The following EPYC variants were observed in gnomAD, a reference collection of about 807,000 sequenced individuals.
EPYC encodes epiphycan, also known as dermatan sulfate proteoglycan 3.
A neutral mutation model predicts 30.1 loss-of-function variants in EPYC; 28 were observed. The observed-to-expected ratio is 0.93, with a 90% confidence interval of 0.69 to 1.28. The LOEUF (loss-of-function observed/expected upper bound fraction) is 1.28, where lower values mean the gene tolerates loss of function less well. Ranked by LOEUF, EPYC falls within the 50% of genes most tolerant of loss-of-function variation. EPYC has a pLI of 0.00. For synonymous variants in EPYC, 144 were observed against 141.4 expected (o/e 1.02, Z -0.13); for missense variants, 382 against 383.5 (o/e 1.00, Z 0.03).
chr12:90,972,896 G>A lies in EPYC; in HGVS notation c.425C>T (p.Pro142Leu), dbSNP rs187299979. ...GGAATAGAAATAAGCGGTGTTCTTTGGCAGCGGAGGAATAGCATCAAGTTC... is the reference window on the plus strand; with the variant it reads ...GGAATAGAAATAAGCGGTGTTCTTTAGCAGCGGAGGAATAGCATCAAGTTC... ...DHELDAIPPL[P>L]KNTAYFYSRF... Residue 142 changes from proline (P) to leucine (L), a missense_variant, in exon 4 of 7, where the codon CCA (proline) becomes CTA (leucine). Physicochemically the swap from Pro to Leu is moderately conservative, Grantham distance 98. Coordinates refer to ENST00000261172, the MANE Select transcript of EPYC (RefSeq NM_004950.5). 1.2e-4 allele frequency: 196 copies of A among 1,613,216 alleles called. No individual in the cohort carries two copies. Among genetic ancestry groups the A allele is most frequent in the Non-Finnish European group, 1.6e-4 (188 of 1,179,266 alleles).
intron 5 of EPYC, among the ~76,000 whole-genome samples, chr12:90,970,889 A>G (rs944621488): frequency 3.3e-5 from 5 of 152,204 alleles, no homozygotes; most frequent in Non-Finnish European, 5.9e-5. Flanking sequence ...TTACATGTTC[A>G]GTGTACACTG....
At chr12:90,967,620 T>A (rs1876930970) in intron 6 of EPYC, among the ~76,000 whole-genome samples, 1 of 152,158 alleles carries the variant, frequency 6.6e-6, no homozygotes, top group Non-Finnish European at 1.5e-5. Flanking sequence ...CAAATTGGTT[T>A]TCAGTGTTGT....
At chr12:90,986,864 T>A (rs1877459413) in intron 2 of EPYC, among the ~76,000 whole-genome samples, 1 of 152,204 alleles carries the variant, frequency 6.6e-6, no homozygotes, top group African/African-American at 2.4e-5. Context: ...ATATTGTATC[T>A]GTGAGTATTT....
At chr12:90,973,003 A>G in intron 3 of EPYC, 23 bp from the exon 4 acceptor site, 1 of 1,504,460 alleles carries the variant, frequency 6.6e-7, no homozygotes, top group Non-Finnish European at 9.1e-7. Flanking sequence ...GGAAAATAAA[A>G]TTAAATGTAA....
intron 2 of EPYC, among the ~76,000 whole-genome samples, chr12:90,984,041 C>A (rs954546340): frequency 2.0e-5 from 3 of 152,124 alleles, no homozygotes; most frequent in Non-Finnish European, 4.4e-5. Context: ...CAAAAGGCAT[C>A]ACTCTTCCAA....
chr12:90,983,761 A>ATT (rs1402188886), intron 2 of EPYC, among the ~76,000 whole-genome samples: 2 of 152,082 alleles, frequency 1.3e-5, no homozygotes, highest in Non-Finnish European at 2.9e-5. Context: ...CCTGCTTCTA[A>ATT]AAACCACTCC....
At chr12:91,000,397 G>A (rs767557033) in intron 2 of EPYC, among the ~76,000 whole-genome samples, 2 of 152,058 alleles carry the variant, frequency 1.3e-5, no homozygotes, top group Non-Finnish European at 2.9e-5. Flanking sequence ...TGTATATTAA[G>A]TAATGTTTAT....
rs2120784815 is a variant in EPYC, at chr12:90,963,917, G to T, written c.*239C>A. 1 of 327,976 alleles carries T rather than the reference G, an allele frequency of 3.0e-6. No homozygotes were observed. Among genetic ancestry groups the T allele is most frequent in the East Asian group, 4.8e-5 (1 of 20,922 alleles). The allele number at this position is 327,976 out of a possible 1,614,324, so 20.3% of individuals were successfully genotyped here. A position where few individuals can be genotyped will look rare whatever the true frequency, so the allele number is the denominator to read the frequency against. ...ATACATGATCTATAAGAACATGTGT[G>T]AAATATTTTCTATCACTTAGTTTTG... is the stretch of plus-strand genomic sequence containing the variant. On this transcript the variant is annotated 3_prime_UTR_variant, in exon 7 of 7. Coordinates refer to ENST00000261172, the MANE Select transcript of EPYC (RefSeq NM_004950.5).
chr12:90,972,952 A>G lies in EPYC; in HGVS notation c.369T>C (p.Cys123=). 1 of 1,603,586 alleles carries G rather than the reference A, an allele frequency of 6.2e-7. No individual in the cohort carries two copies. The highest frequency in any genetic ancestry group is 1.3e-5 in the African/African-American group (1 of 74,778). The change falls in exon 4 of 7, where the codon TGT becomes TGC. Residue 123 remains cysteine (C), a synonymous_variant. Coordinates refer to ENST00000261172, the MANE Select transcript of EPYC (RefSeq NM_004950.5). ...EDFPTCLLCT[C]ISTTVYCDDH... ...CATCACAGTACACGGTGGTACTTAT[A>G]CAAGTACACAAAAGACAGGTTGGAA... is the stretch of plus-strand genomic sequence containing the variant.
At chr12:91,003,978 A>T (rs1877892472) in intron 1 of EPYC, among the ~76,000 whole-genome samples, 1 of 152,092 alleles carries the variant, frequency 6.6e-6, no homozygotes, top group Admixed American at 6.6e-5. Flanking sequence ...TTTCTTATTC[A>T]CACAGGATAA....
chr12:90,997,419 A>G (rs976309007), intron 2 of EPYC, among the ~76,000 whole-genome samples: 7 of 152,088 alleles, frequency 4.6e-5, no homozygotes, highest in African/African-American at 4.8e-5. Flanking sequence ...GCTACCAAGC[A>G]CTTTGCTGGA....
intron 2 of EPYC, among the ~76,000 whole-genome samples, chr12:90,981,303 T>C (rs1158735546): frequency 6.6e-6 from 1 of 152,124 alleles, no homozygotes; most frequent in Non-Finnish European, 1.5e-5. Flanking sequence ...GTAAAAGCGG[T>C]TGAAGTGACC....
At chr12:90,981,899 A>G (rs1592627036) in intron 2 of EPYC, among the ~76,000 whole-genome samples, 1 of 152,168 alleles carries the variant, frequency 6.6e-6, no homozygotes, top group African/African-American at 2.4e-5. Flanking sequence ...AAGGAAATCA[A>G]TGATAATGTA....
At chr12:90,975,369 C>T (rs891067444) in intron 3 of EPYC, among the ~76,000 whole-genome samples, 5 of 151,822 alleles carry the variant, frequency 3.3e-5, no homozygotes, top group South Asian at 2.1e-4. Flanking sequence ...CTATATTACA[C>T]GGTTTTAGAA....
intron 3 of EPYC, among the ~76,000 whole-genome samples, chr12:90,974,684 A>G (rs1240471847): frequency 2.6e-5 from 4 of 152,272 alleles, no homozygotes; most frequent in Non-Finnish European, 5.9e-5. Flanking sequence ...AGAAGAGCAC[A>G]TTGATATAGA....
chr12:90,984,705 CG>C (rs1877406097), intron 2 of EPYC, among the ~76,000 whole-genome samples: 1 of 152,112 alleles, frequency 6.6e-6, no homozygotes, highest in South Asian at 2.1e-4. Flanking sequence ...AGCTTACCTC[CG>C]TATCCTAACC....
intron 2 of EPYC, among the ~76,000 whole-genome samples, chr12:90,991,765 G>A (rs1877590100): frequency 6.6e-6 from 1 of 152,132 alleles, no homozygotes; most frequent in African/African-American, 2.4e-5. Flanking sequence ...CCAGGGTATG[G>A]CTTAGGCACT....
intron 6 of EPYC, among the ~76,000 whole-genome samples, chr12:90,969,758 G>GTT (rs199837991): frequency 1.3e-5 from 2 of 151,352 alleles, no homozygotes; most frequent in African/African-American, 4.9e-5. Context: ...ACTTTCAGTG[G>GTT]TTTTTTTTCT....
At chr12:90,993,570 C>T (rs184947065) in intron 2 of EPYC, among the ~76,000 whole-genome samples, 20 of 152,108 alleles carry the variant, frequency 1.3e-4, no homozygotes, top group Non-Finnish European at 2.8e-4. Context: ...AGTTATAATA[C>T]AAAATGGTTT....
Sources: allele counts gnomAD v4.1 joint callset (sites outside exome capture counted in the v4.1 genomes callset), GRCh38; gene constraint gnomAD v4.1.1; transcripts MANE v1.5; gene names NCBI Gene and HGNC (gene_info 2026-07-23, HGNC 2026-07-21).